Variants in TLK1 observed in about 807,000 individuals in gnomAD.
TLK1 encodes serine/threonine-protein kinase tousled-like 1.
TLK1 carries 24 observed loss-of-function variants against 105.3 expected under a neutral mutation model. The ratio of observed to expected loss-of-function variants is 0.23; its 90% CI spans 0.17 to 0.32. The LOEUF (loss-of-function observed/expected upper bound fraction) is 0.32, where lower values mean the gene tolerates loss of function less well. Among genes scored for constraint, TLK1 ranks in the 10% least tolerant of loss-of-function variants. The pLI is 1.00. For missense variants in TLK1, 558 were observed against 910.5 expected (o/e 0.61, Z 4.98); for synonymous variants, 321 against 310.4 (o/e 1.03, Z -0.36).
At chr2:171,061,908 T>C (rs1191455360) in intron 3 of TLK1, among the ~76,000 whole-genome samples, 1 of 152,242 alleles carries the variant, frequency 6.6e-6, no homozygotes, top group East Asian at 1.9e-4. Context: ...CATTTAGGTA[T>C]TGTCTATAGC....
chr2:171,048,698 T>G (rs1163792997), intron 10 of TLK1, among the ~76,000 whole-genome samples: 3 of 36,494 alleles, frequency 8.2e-5, no homozygotes, highest in Non-Finnish European at 2.7e-4. Context: ...ACAGATATGT[T>G]GAAGAAAAGT....
chr2:171,027,270 A>G (rs1685817252), intron 12 of TLK1, among the ~76,000 whole-genome samples: 1 of 152,252 alleles, frequency 6.6e-6, no homozygotes, highest in African/African-American at 2.4e-5. Context: ...AGCCTATTTA[A>G]AAAATTGAAA....
At position 171,046,302 on chromosome 2, in the gene TLK1, G is replaced by C; in HGVS notation, c.1041C>G (p.Ala347=). The part of the protein sequence containing the change: ...EDIERQRKLL[A]KRKPPTANNS... ...TATTAGCTGTGGGAGGTTTGCGTTT[G>C]GCTAGAAGTTTCCTTTGCCTTTCAA... The change falls in exon 11 of 21, where the codon GCC becomes GCG. Residue 347 remains alanine, a synonymous_variant. Coordinates refer to ENST00000431350, the MANE Select transcript of TLK1 (RefSeq NM_012290.5). The C allele has an allele frequency of 1.9e-6, 3 of 1,613,304 alleles. No individual in the cohort carries two copies. Among genetic ancestry groups the C allele is most frequent in the Non-Finnish European group, 2.5e-6 (3 of 1,179,590 alleles).
At chr2:171,130,480 G>A (rs1691058280) in intron 1 of TLK1, among the ~76,000 whole-genome samples, 1 of 152,142 alleles carries the variant, frequency 6.6e-6, no homozygotes, top group Admixed American at 6.5e-5. Flanking sequence ...TTCATAAGGT[G>A]AGTTAAATGA....
intron 12 of TLK1, among the ~76,000 whole-genome samples, chr2:171,025,336 G>T (rs1685722520): frequency 6.6e-6 from 1 of 152,122 alleles, no homozygotes; most frequent in South Asian, 2.1e-4. Flanking sequence ...AAGTAAACAG[G>T]TCTTTCTATT....
At chr2:171,202,132 C>T (rs896772904) in intron 1 of TLK1, among the ~76,000 whole-genome samples, 3 of 152,144 alleles carry the variant, frequency 2.0e-5, no homozygotes, top group African/African-American at 7.2e-5. Context: ...GAATTTCAGA[C>T]AAATAACAAA....
rs950371004 is a variant in TLK1, at chr2:170,995,038, C to A, written c.2125-1082G>T. 1.8e-3 allele frequency among the ~76,000 whole-genome samples: 281 copies of A among 152,118 alleles called. 1 individual carries two copies. The highest frequency in any genetic ancestry group is 6.6e-3 in the African/African-American group (274 of 41,494). The stretch of plus-strand genomic sequence containing the variant: ...AGTATATTTTTCTCTAAAAATATAC[C>A]TAGCTATTCTCATTTTACCATAGCT... On this transcript the variant is annotated intron_variant, in intron 20 of 20. Transcript: ENST00000431350.
intron 1 of TLK1, among the ~76,000 whole-genome samples, chr2:171,217,552 G>C (rs1693737823): frequency 6.6e-6 from 1 of 152,186 alleles, no homozygotes; most frequent in South Asian, 2.1e-4. Flanking sequence ...CAGCAGGAGG[G>C]AGGAACACAA....
At chr2:171,127,336 T>C (rs1399109942) in intron 1 of TLK1, among the ~76,000 whole-genome samples, 1 of 151,252 alleles carries the variant, frequency 6.6e-6, no homozygotes, top group Non-Finnish European at 1.5e-5. Context: ...AACACTGGAA[T>C]TACTTCTGAA....
intron 3 of TLK1, among the ~76,000 whole-genome samples, chr2:171,076,417 C>T (rs1303747587): frequency 6.6e-6 from 1 of 152,080 alleles, no homozygotes; most frequent in Non-Finnish European, 1.5e-5. Context: ...TGCTTGACAC[C>T]ATGCTCTTGG....
At chr2:171,148,943 G>A (rs910562204) in intron 1 of TLK1, among the ~76,000 whole-genome samples, 8 of 147,292 alleles carry the variant, frequency 5.4e-5, no homozygotes, top group Non-Finnish European at 1.2e-4. Context: ...GCGTGTGTGT[G>A]TATGTGCGAT....
chr2:171,049,746 TATA>T, intron 10 of TLK1, 65 bp downstream of exon 10: 1 of 1,583,796 alleles, frequency 6.3e-7, no homozygotes, highest in Non-Finnish European at 8.6e-7. Flanking sequence ...ATTACAAATC[TATA>T]ATCTTTTAAA....
At chr2:171,007,405 G>T in intron 14 of TLK1, among the ~76,000 whole-genome samples, 1 of 151,960 alleles carries the variant, frequency 6.6e-6, no homozygotes, top group East Asian at 1.9e-4. Flanking sequence ...GAAAACAGAT[G>T]ACTGTACCAC....
chr2:171,079,607 CCTT>C (rs1207423529), intron 3 of TLK1, among the ~76,000 whole-genome samples: 1 of 152,142 alleles, frequency 6.6e-6, no homozygotes, highest in African/African-American at 2.4e-5. Flanking sequence ...CAAAACAATA[CCTT>C]CTTACCTACC....
intron 2 of TLK1, among the ~76,000 whole-genome samples, chr2:171,096,064 G>T (rs868750812): frequency 2.9e-4 from 44 of 152,100 alleles, no homozygotes; most frequent in Admixed American, 1.2e-3. Flanking sequence ...AGCCATCCAT[G>T]TCAGAAAAGA....
chr2:170,993,176 A>G lies in TLK1; in HGVS notation c.*604T>C, dbSNP rs1412972231. The stretch of plus-strand genomic sequence containing the variant: ...GAAAACGGACATGTGATCTCGAGGT[A>G]CAACTTGGTAAAAGTCTGAATAGGC... On this transcript the variant is annotated 3_prime_UTR_variant, in exon 21 of 21. Transcript: ENST00000431350. 1 of 152,654 alleles carries G rather than the reference A, an allele frequency of 6.6e-6. No homozygotes were observed. The highest frequency in any genetic ancestry group is 1.9e-4 in the East Asian group (1 of 5,204). 9.5% of individuals were successfully genotyped at this position (152,654 alleles called of 1,614,324 possible).
At chr2:171,097,782 G>C (rs1689510373) in intron 2 of TLK1, among the ~76,000 whole-genome samples, 1 of 152,040 alleles carries the variant, frequency 6.6e-6, no homozygotes, top group South Asian at 2.1e-4. Context: ...AAATTAGCTG[G>C]GTGTTGACGG....
intron 3 of TLK1, chr2:171,066,978 A>G: frequency 1.3e-6 from 2 of 1,531,602 alleles, no homozygotes; most frequent in Non-Finnish European, 1.8e-6. Context: ...TGTAATAGTC[A>G]AATTCAGAGC....
chr2:171,050,002 A>G, intron 9 of TLK1, 52 bp from the exon 10 acceptor site: 1 of 1,610,696 alleles, frequency 6.2e-7, no homozygotes, highest in Non-Finnish European at 8.5e-7. Context: ...AATTTATAAA[A>G]GCATACAAAG....
Sources: allele counts gnomAD v4.1 joint callset (sites outside exome capture counted in the v4.1 genomes callset), GRCh38; gene constraint gnomAD v4.1.1; transcripts MANE v1.5; gene names NCBI Gene and HGNC (gene_info 2026-07-23, HGNC 2026-07-21).